PXDNL: variants seen among roughly 807,000 people sequenced by gnomAD.
PXDNL encodes probable oxidoreductase PXDNL.
In PXDNL, 145 loss-of-function variants were observed where a neutral mutation model predicts 150.8. The observed-to-expected ratio is 0.96, with a 90% CI of 0.84 to 1.10. PXDNL has a LOEUF of 1.10. PXDNL is among the 50% of genes least tolerant of loss of function. The pLI, the probability that PXDNL is intolerant of heterozygous loss-of-function variation, is 0.00. For missense variants in PXDNL, 2,087 were observed against 1,873.9 expected (o/e 1.11, Z -2.10); for synonymous variants, 757 against 725.7 (o/e 1.04, Z -0.69).
intron 1 of PXDNL, among the ~76,000 whole-genome samples, chr8:51,759,303 C>T (rs1219471970): frequency 1.3e-5 from 2 of 152,120 alleles, no homozygotes; most frequent in South Asian, 2.1e-4. Context: ...TATCTGAAAG[C>T]GTCAATTTAA....
At chr8:51,382,646 G>T (rs1278141451) in intron 17 of PXDNL, among the ~76,000 whole-genome samples, 2 of 151,998 alleles carry the variant, frequency 1.3e-5, no homozygotes, top group African/African-American at 4.8e-5. Flanking sequence ...AAAACTGAGT[G>T]AAAGGTACAG....
At chr8:51,381,738 C>T (rs1301199087) in intron 17 of PXDNL, among the ~76,000 whole-genome samples, 1 of 151,454 alleles carries the variant, frequency 6.6e-6, no homozygotes, top group African/African-American at 2.4e-5. Context: ...CTGAAAGCTC[C>T]ACCTCCCGGG....
chr8:51,754,925 G>C (rs1447039490), intron 1 of PXDNL, among the ~76,000 whole-genome samples: 1 of 152,172 alleles, frequency 6.6e-6, no homozygotes, highest in African/African-American at 2.4e-5. Flanking sequence ...GTCTCACCAG[G>C]TGGCCTATAC....
intron 17 of PXDNL, among the ~76,000 whole-genome samples, chr8:51,402,997 G>A (rs1808308512): frequency 3.3e-5 from 5 of 151,526 alleles, no homozygotes; most frequent in Admixed American, 2.6e-4. Context: ...GGCTGAGGCA[G>A]GAGAATGGCG....
At chr8:51,591,373 TAGC>T (rs894257613) in intron 3 of PXDNL, among the ~76,000 whole-genome samples, 1 of 152,180 alleles carries the variant, frequency 6.6e-6, no homozygotes, top group African/African-American at 2.4e-5. Flanking sequence ...ACTCAGTAAT[TAGC>T]AGAGCTGTGG....
At chr8:51,560,218 C>T (rs74765616) in intron 3 of PXDNL, among the ~76,000 whole-genome samples, 36 of 151,910 alleles carry the variant, frequency 2.4e-4, no homozygotes, top group African/African-American at 8.2e-4. Flanking sequence ...GATTTAATAT[C>T]GTTAAAATGT....
intron 1 of PXDNL, among the ~76,000 whole-genome samples, chr8:51,696,612 G>A (rs1174228580): frequency 5.9e-5 from 1 of 16,862 alleles, no homozygotes; most frequent in Non-Finnish European, 1.3e-4. Flanking sequence ...GTGCCGACAG[G>A]AAACACACAG....
chr8:51,783,190 T>C (rs1443273587), intron 1 of PXDNL, among the ~76,000 whole-genome samples: 1 of 152,174 alleles, frequency 6.6e-6, no homozygotes, highest in Non-Finnish European at 1.5e-5. Flanking sequence ...ATTGCTAAGT[T>C]GTAAGCAATT....
chr8:51,580,399 T>C (rs889521670), intron 3 of PXDNL, among the ~76,000 whole-genome samples: 7 of 152,182 alleles, frequency 4.6e-5, no homozygotes, highest in Admixed American at 3.3e-4. Flanking sequence ...ATTTAAAAAA[T>C]GTCTGTTGAA....
chr8:51,333,841 A>C (rs1805763672), intron 21 of PXDNL, among the ~76,000 whole-genome samples: 1 of 152,184 alleles, frequency 6.6e-6, no homozygotes, highest in South Asian at 2.1e-4. Context: ...AGACCAAAGA[A>C]ATGAGATAGA....
intron 6 of PXDNL, among the ~76,000 whole-genome samples, chr8:51,481,403 G>C (rs1034307398): frequency 3.3e-5 from 5 of 152,064 alleles, no homozygotes; most frequent in Non-Finnish European, 5.9e-5. Flanking sequence ...AAGAGGTGAC[G>C]AGGCATAAAA....
At chr8:51,546,507 G>C (rs905566421) in intron 4 of PXDNL, among the ~76,000 whole-genome samples, 1 of 152,194 alleles carries the variant, frequency 6.6e-6, no homozygotes, top group Non-Finnish European at 1.5e-5. Context: ...ACCTCACAGA[G>C]GTCCTTGGGG....
intron 10 of PXDNL, among the ~76,000 whole-genome samples, chr8:51,452,370 G>C (rs966937874): frequency 1.3e-5 from 2 of 152,188 alleles, no homozygotes; most frequent in Non-Finnish European, 2.9e-5. Context: ...TCTTATTAGA[G>C]CAAGGAAAGT....
chr8:51,807,135 C>T (rs1342470468), intron 1 of PXDNL, among the ~76,000 whole-genome samples: 1 of 151,988 alleles, frequency 6.6e-6, no homozygotes, highest in Non-Finnish European at 1.5e-5. Context: ...AAAGAAATAC[C>T]TGAAACTGGG....
At chr8:51,536,545 C>G (rs1812082221) in intron 4 of PXDNL, among the ~76,000 whole-genome samples, 1 of 151,312 alleles carries the variant, frequency 6.6e-6, no homozygotes, top group Non-Finnish European at 1.5e-5. Context: ...AGAGAGTGAG[C>G]ATGACACCAT....
At chr8:51,724,499 A>AT (rs1241677114) in intron 1 of PXDNL, among the ~76,000 whole-genome samples, 1 of 152,190 alleles carries the variant, frequency 6.6e-6, no homozygotes, top group African/African-American at 2.4e-5. Context: ...AGAAAAAAAA[A>AT]GGAAAAATCA....
intron 1 of PXDNL, among the ~76,000 whole-genome samples, chr8:51,706,766 T>C (rs1563513464): frequency 1.3e-5 from 2 of 152,236 alleles, no homozygotes; most frequent in Non-Finnish European, 2.9e-5. Flanking sequence ...ATAAATGCCA[T>C]TGGCAAATCA....
intron 17 of PXDNL, among the ~76,000 whole-genome samples, chr8:51,395,562 C>T (rs527670378): frequency 1.3e-5 from 2 of 151,814 alleles, no homozygotes. Context: ...AAGAAACAAC[C>T]AATATTTTTT....
chr8:51,509,831 T>C (rs916232275), intron 4 of PXDNL, among the ~76,000 whole-genome samples: 10 of 151,290 alleles, frequency 6.6e-5, no homozygotes, highest in African/African-American at 1.2e-4. Context: ...TGTGTGTATA[T>C]ACCGATTTAA....
Sources: gnomAD v4.1 joint callset for allele counts (sites outside exome capture counted in the v4.1 genomes callset) on GRCh38, gnomAD v4.1.1 for gene constraint, MANE v1.5 for transcripts, NCBI Gene and HGNC (gene_info 2026-07-23, HGNC 2026-07-21) for gene names.